The following SWT1 variants were observed in gnomAD, a reference collection of about 807,000 sequenced individuals.
SWT1 encodes SWT1 RNA endoribonuclease homolog.
A neutral mutation model predicts 107.3 loss-of-function variants in SWT1; 33 were observed. The observed-to-expected ratio is 0.31, with a 90% CI of 0.23 to 0.41. The LOEUF (loss-of-function observed/expected upper bound fraction) is 0.41, where lower values mean the gene tolerates loss of function less well. SWT1 is among the 10% of genes least tolerant of loss of function. SWT1 has a pLI of 1.00. For synonymous variants in SWT1, 345 were observed against 348.3 expected (o/e 0.99, Z 0.11); for missense variants, 898 against 1,028.9 (o/e 0.87, Z 1.74).
intron 16 of SWT1, among the ~76,000 whole-genome samples, chr1:185,245,872 G>T (rs1402449195): frequency 6.6e-6 from 1 of 151,878 alleles, no homozygotes; most frequent in Admixed American, 6.6e-5. Flanking sequence ...AGGTTGAAGT[G>T]ATTCTCCCAC....
intron 16 of SWT1, chr1:185,264,609 C>A: frequency 3.6e-6 from 1 of 278,994 alleles, no homozygotes; most frequent in Non-Finnish European, 5.4e-6. Flanking sequence ...CCCTGTTTTA[C>A]AAATGAGAAA....
intron 16 of SWT1, among the ~76,000 whole-genome samples, chr1:185,244,430 T>G (rs1228146547): frequency 1.3e-5 from 2 of 152,114 alleles, no homozygotes; most frequent in Non-Finnish European, 2.9e-5. Flanking sequence ...TGGTAATTAT[T>G]TGTGTACCTA....
intron 10 of SWT1, 49 bp downstream of exon 10, chr1:185,190,691 T>C (rs1255656488): frequency 8.5e-6 from 10 of 1,177,212 alleles, no homozygotes; most frequent in African/African-American, 1.6e-5. Context: ...ATAAACCAAA[T>C]AATTTAAAAA....
At chr1:185,277,809 C>G (rs766038197) in intron 18 of SWT1, among the ~76,000 whole-genome samples, 2 of 151,650 alleles carry the variant, frequency 1.3e-5, no homozygotes, top group African/African-American at 2.4e-5. Context: ...CTTTATAGTT[C>G]TCATCTTTTT....
chr1:185,184,672 C>G, intron 8 of SWT1, 71 bp from the exon 9 acceptor site: 1 of 1,215,706 alleles, frequency 8.2e-7, no homozygotes, highest in Non-Finnish European at 1.2e-6. Flanking sequence ...ACTTTTACCT[C>G]TTGGACAGCA....
chr1:185,288,191 T>C (rs1665055275), intron 18 of SWT1, among the ~76,000 whole-genome samples: 1 of 152,220 alleles, frequency 6.6e-6, no homozygotes, highest in Non-Finnish European at 1.5e-5. Context: ...TTTTAAACTT[T>C]AAATGTAGAA....
intron 13 of SWT1, among the ~76,000 whole-genome samples, chr1:185,207,072 A>C: frequency 6.6e-6 from 1 of 152,206 alleles, no homozygotes; most frequent in East Asian, 1.9e-4. Context: ...TTTTAAAACC[A>C]TGTTTTACAT....
intron 18 of SWT1, among the ~76,000 whole-genome samples, chr1:185,290,282 AAAT>A (rs1048382405): frequency 6.6e-6 from 1 of 151,962 alleles, no homozygotes; most frequent in Admixed American, 6.6e-5. Flanking sequence ...TGTCTTTTAA[AAAT>A]AATAACTAAG....
At chr1:185,182,810 A>G (rs1427756052) in intron 7 of SWT1, among the ~76,000 whole-genome samples, 1 of 152,048 alleles carries the variant, frequency 6.6e-6, no homozygotes, top group Non-Finnish European at 1.5e-5. Context: ...TCCAAAATCT[A>G]TCAGTGTACT....
chr1:185,169,759 G>A (rs1359431450), intron 4 of SWT1, among the ~76,000 whole-genome samples: 13 of 151,620 alleles, frequency 8.6e-5, no homozygotes, highest in Admixed American at 8.5e-4. Context: ...GAACTTAAAT[G>A]CTAACTTCAG....
chr1:185,254,629 C>A (rs1034615985), intron 16 of SWT1, among the ~76,000 whole-genome samples: 1 of 151,478 alleles, frequency 6.6e-6, no homozygotes, highest in African/African-American at 2.4e-5. Flanking sequence ...GGTGATATCC[C>A]CTTTATCATT....
intron 18 of SWT1, among the ~76,000 whole-genome samples, chr1:185,290,375 G>A (rs1665180116): frequency 6.6e-6 from 1 of 152,088 alleles, no homozygotes; most frequent in Non-Finnish European, 1.5e-5. Context: ...CCAAGAGTTC[G>A]AGGCCAGCCT....
chr1:185,169,615 G>T (rs1263767239), intron 4 of SWT1, among the ~76,000 whole-genome samples: 1 of 152,002 alleles, frequency 6.6e-6, no homozygotes, highest in Non-Finnish European at 1.5e-5. Context: ...GCAAGAAGCT[G>T]GGCACAATGG....
chr1:185,234,806 G>C (rs189566343), intron 16 of SWT1, among the ~76,000 whole-genome samples: 1 of 151,732 alleles, frequency 6.6e-6, no homozygotes, highest in African/African-American at 2.4e-5. Context: ...TGTATGGCAG[G>C]CCACTAGCTA....
At chr1:185,268,879 G>A (rs1402910146) in intron 16 of SWT1, among the ~76,000 whole-genome samples, 1 of 143,956 alleles carries the variant, frequency 6.9e-6, no homozygotes, top group African/African-American at 2.6e-5. Context: ...TTGAGACGGA[G>A]TGTCGCTCTT....
intron 15 of SWT1, 108 bp downstream of exon 15, chr1:185,222,144 T>C (rs939859067): frequency 9.3e-6 from 6 of 642,538 alleles, no homozygotes; most frequent in African/African-American, 1.9e-5. Context: ...TCAATAGATA[T>C]ATGTGATATA....
chr1:185,166,900 G>A (rs958004890), intron 3 of SWT1, among the ~76,000 whole-genome samples: 6 of 151,852 alleles, frequency 4.0e-5, no homozygotes, highest in African/African-American at 1.5e-4. Flanking sequence ...ACATATATAT[G>A]GTTTTATATA....
At chr1:185,187,194 G>T (rs749220993) in intron 9 of SWT1, among the ~76,000 whole-genome samples, 42 of 150,992 alleles carry the variant, frequency 2.8e-4, no homozygotes, top group Non-Finnish European at 5.8e-4. Context: ...AGAGTAGCTG[G>T]GATTACAGGT....
At chr1:185,253,237 T>A (rs1407167607) in intron 16 of SWT1, among the ~76,000 whole-genome samples, 2 of 150,610 alleles carry the variant, frequency 1.3e-5, no homozygotes, top group Non-Finnish European at 1.5e-5. Context: ...GCTTTGTTCT[T>A]TTGGCTTAGG....
Sources: gnomAD v4.1 joint callset for allele counts (sites outside exome capture counted in the v4.1 genomes callset) on GRCh38, gnomAD v4.1.1 for gene constraint, MANE v1.5 for transcripts, NCBI Gene and HGNC (gene_info 2026-07-23, HGNC 2026-07-21) for gene names.